The following ERN2 variants were observed in gnomAD, a reference collection of about 807,000 sequenced individuals.
ERN2 encodes endoplasmic reticulum to nucleus signaling 2, also known as serine/threonine-protein kinase/endoribonuclease IRE2.
Under a neutral mutation model 107.9 loss-of-function variants are expected in ERN2, and 111 were observed. The observed-to-expected ratio is 1.03, with a 90% CI of 0.88 to 1.20. The LOEUF (loss-of-function observed/expected upper bound fraction) is 1.20, where lower values mean the gene tolerates loss of function less well. Ranked by LOEUF, ERN2 falls within the 50% of genes most tolerant of loss-of-function variation. ERN2 has a pLI of 0.00. For synonymous variants in ERN2, 524 were observed against 501.7 expected (o/e 1.04, Z -0.59); for missense variants, 1,225 against 1,197.9 (o/e 1.02, Z -0.33).
At chr16:23,694,994 C>A (rs763532807) in intron 16 of ERN2, 25 bp downstream of exon 16, 2 of 1,612,394 alleles carry the variant, frequency 1.2e-6, no homozygotes, top group Non-Finnish European at 1.7e-6. Context: ...GGACAGGGAG[C>A]GGGAGGCAGG....
intron 17 of ERN2, among the ~76,000 whole-genome samples, chr16:23,692,935 T>C (rs980660469): frequency 1.3e-5 from 2 of 151,742 alleles, no homozygotes; most frequent in Admixed American, 1.3e-4. Context: ...CCCAGCCCGA[T>C]CTTGAACTTT....
rs1959997964 is a variant in ERN2 at position 23,700,427 on chromosome 16, T to C, written c.1525+112A>G. 5 of 1,045,258 alleles carry C rather than the reference T, an allele frequency of 4.8e-6. No individual in the cohort carries two copies. The African/African-American group carries it at 4.8e-5, about 10-fold the overall frequency. 64.7% of individuals were successfully genotyped at this position (1,045,258 alleles called of 1,614,324 possible). On this transcript the variant is annotated intron_variant, in intron 13 of 21. Transcript: ENST00000256797. ...TACTCAAAACACTCTTCTTAATTCATGTAGACCTAACCACCCCACTATAGT... is the reference window on the plus strand; with the variant it reads ...TACTCAAAACACTCTTCTTAATTCACGTAGACCTAACCACCCCACTATAGT...
chr16:23,691,498 A>C, intron 19 of ERN2, 73 bp from the exon 20 acceptor site: 1 of 1,539,738 alleles, frequency 6.5e-7, no homozygotes, highest in South Asian at 1.2e-5. Flanking sequence ...GTTGTCTTAC[A>C]GGAGTAGTTT....
In ERN2 at chr16:23,690,912, G is replaced by C. The variant is rs56157518; in HGVS notation, c.2700C>G (p.Cys900Trp). The change falls in exon 22 of 22, where the codon TGC becomes TGG. Residue 900 changes from cysteine (C) to tryptophan (W), a missense_variant. Transcript: ENST00000256797. Reference sequence around the variant, plus strand: ...AGGGCAGGAAGAGGCTCTCAGAGGCGCAGCTCCTCATGGCTCGGTGCGTGT... The same window carrying C: ...AGGGCAGGAAGAGGCTCTCAGAGGCCCAGCTCCTCATGGCTCGGTGCGTGT... ...LLHTHRAMRS[C>W]ASESLFLPYY... The C allele has an allele frequency of 3.1e-6, 5 of 1,614,110 alleles. No individual in the cohort carries two copies. The highest frequency in any genetic ancestry group is 4.2e-6 in the Non-Finnish European group (5 of 1,180,032).
chr16:23,708,044 C>G (rs538950680), intron 4 of ERN2, among the ~76,000 whole-genome samples: 1 of 152,310 alleles, frequency 6.6e-6, no homozygotes, highest in Admixed American at 6.5e-5. Flanking sequence ...GCCCTGCTGT[C>G]CTTGTCACAA....
intron 19 of ERN2, 75 bp from the exon 20 acceptor site, chr16:23,691,500 G>T: frequency 6.5e-7 from 1 of 1,528,400 alleles, no homozygotes; most frequent in Non-Finnish European, 8.8e-7. Flanking sequence ...TGTCTTACAG[G>T]AGTAGTTTAG....
chr16:23,691,892 TATC>T, intron 19 of ERN2, 68 bp downstream of exon 19: 2 of 1,551,088 alleles, frequency 1.3e-6, no homozygotes, highest in South Asian at 2.4e-5. Context: ...GCTAATCTAA[TATC>T]CCATTTCTTA....
intron 14 of ERN2, 115 bp from the exon 15 acceptor site, chr16:23,695,504 T>A: frequency 2.2e-6 from 2 of 926,640 alleles, no homozygotes; most frequent in Non-Finnish European, 3.2e-6. Context: ...GGCGGGCGGG[T>A]CACTTGAGGT....
rs1317253993 is a variant in ERN2 at position 23,704,923 on chromosome 16, C to A, written c.814G>T (p.Asp272Tyr). The stretch of plus-strand genomic sequence containing the variant: ...AAGGTAGAGAAGAGGGTGGCTGTGT[C>A]CCGGGGGCCTGAGGCAGGCAGTCGG... The part of the protein sequence containing the change: ...HIRLPASGPR[D>Y]TATLFSTLDT... The change falls in exon 8 of 22, where the codon GAC (aspartate) becomes TAC (tyrosine). Residue 272 changes from aspartate to tyrosine, a missense_variant. By Grantham distance (160) the Asp-to-Tyr change is radical. Coordinates refer to ENST00000256797, the MANE Select transcript of ERN2 (RefSeq NM_033266.4). 3 of 1,613,134 alleles carry A rather than the reference C, an allele frequency of 1.9e-6. No individual in the cohort carries two copies. The highest frequency in any genetic ancestry group is 1.7e-6 in the Non-Finnish European group (2 of 1,180,026).
Position 23,707,020 on chromosome 16 carries a change from C to T in ERN2, c.366G>A (p.Gly122=). The part of the protein sequence containing the change: ...VHASPCRSSD[G]VFYTGRKQDA... ...AGAGATGCTCACCTGTGTAGAAGACCCCATCAGAGCTGCGGCAGGGAGAGG... is the reference window on the plus strand; with the variant it reads ...AGAGATGCTCACCTGTGTAGAAGACTCCATCAGAGCTGCGGCAGGGAGAGG... Residue 122 remains glycine, a synonymous_variant, in exon 5 of 22, where the codon GGG becomes GGA. Transcript: ENST00000256797. 1 of 1,613,974 alleles carries T rather than the reference C, an allele frequency of 6.2e-7. No individual in the cohort carries two copies. Among genetic ancestry groups the T allele is most frequent in the Non-Finnish European group, 8.5e-7 (1 of 1,179,874 alleles).
chr16:23,692,839 C>T (rs1369847919), intron 17 of ERN2, among the ~76,000 whole-genome samples: 3 of 152,002 alleles, frequency 2.0e-5, no homozygotes, highest in African/African-American at 4.8e-5. Context: ...CAATCTACCT[C>T]GGCCTGAGTA....
chr16:23,710,714 C>T (rs533170002), intron 2 of ERN2, among the ~76,000 whole-genome samples, 165 bp from the exon 3 acceptor site: 2 of 152,312 alleles, frequency 1.3e-5, no homozygotes, highest in South Asian at 4.1e-4. Flanking sequence ...TCCTTTGCCC[C>T]ATTTTATAGA....
chr16:23,694,608 A>G (rs930416067), intron 17 of ERN2, 120 bp downstream of exon 17: 2 of 804,862 alleles, frequency 2.5e-6, no homozygotes, highest in Non-Finnish European at 3.8e-6. Flanking sequence ...AGCTTGGAGG[A>G]GCAGCTCAAA....
At chr16:23,706,959 T>C in intron 5 of ERN2, 48 bp downstream of exon 5, 1 of 1,590,238 alleles carries the variant, frequency 6.3e-7, no homozygotes. Flanking sequence ...CTTAGATCCC[T>C]GCCTCTGCTG....
intron 5 of ERN2, 64 bp from the exon 6 acceptor site, chr16:23,706,925 C>G: frequency 6.4e-7 from 1 of 1,574,314 alleles, no homozygotes; most frequent in Non-Finnish European, 8.7e-7. Context: ...CCCCGCCACT[C>G]TTGTGCCTAA....
intron 5 of ERN2, 29 bp downstream of exon 5, chr16:23,706,978 T>G (rs750127026): frequency 4.4e-6 from 7 of 1,608,406 alleles, no homozygotes; most frequent in Non-Finnish European, 6.0e-6. Flanking sequence ...TGGCTGAACC[T>G]GGACCCCACA....
In ERN2 at chr16:23,692,286, C is replaced by G. The variant is rs368927601; in HGVS notation, c.2146G>C (p.Val716Leu). The G allele has an allele frequency of 1.9e-6, 3 of 1,614,080 alleles. No homozygotes were observed. Among genetic ancestry groups the G allele is most frequent in the Non-Finnish European group, 2.5e-6 (3 of 1,180,046 alleles). The change falls in exon 18 of 22, where the codon GTG (valine) becomes CTG (leucine). Residue 716 changes from valine to leucine, a missense_variant. Transcript: ENST00000256797. ...IFSAGCVFYY[V>L]LSGGSHPFGD... ...AAGGGGTGGCTGCCACCAGAAAGCACGTAGTAGAACACGCAGCCTGCAGAG... is the reference window on the plus strand; with the variant it reads ...AAGGGGTGGCTGCCACCAGAAAGCAGGTAGTAGAACACGCAGCCTGCAGAG...
rs1457119904 is a variant in ERN2 at position 23,702,483 on chromosome 16, G to A, written c.988C>T (p.Leu330Phe). ...ADGPTTDEVT[L>F]QVSGEREGSP... ...CCCTCTCGCTCTCCTGAGACTTGGA[G>A]TGTCACCTCATCTGTGGTGGGGCCA... is the stretch of plus-strand genomic sequence containing the variant. Residue 330 changes from leucine (L) to phenylalanine (F), a missense_variant, in exon 10 of 22, where the codon CTC becomes TTC. By Grantham distance (22) the Leu-to-Phe change is conservative. Coordinates refer to ENST00000256797, the MANE Select transcript of ERN2 (RefSeq NM_033266.4). 6.2e-7 allele frequency: 1 copy of A among 1,613,704 alleles called. No homozygotes were observed. Among genetic ancestry groups the A allele is most frequent in the Non-Finnish European group, 8.5e-7 (1 of 1,180,032 alleles).
chr16:23,700,617 G>C lies in ERN2; in HGVS notation c.1447C>G (p.His483Asp), dbSNP rs1192725550. The change falls in exon 13 of 22, where the codon CAC (histidine) becomes GAC (aspartate). Residue 483 changes from histidine (H) to aspartate (D), a missense_variant. By Grantham distance (81) the His-to-Asp change is moderately conservative. Coordinates refer to ENST00000256797, the MANE Select transcript of ERN2 (RefSeq NM_033266.4). ...AHISQDAQSLHSGASRRSQKR... is the reference protein window; with the variant it reads ...AHISQDAQSLDSGASRRSQKR... ...TGGCTCCTCCGGCTGGCCCCCGAGTGCAGGGACTGGGCATCCTGGGAGATG... is the reference window on the plus strand; with the variant it reads ...TGGCTCCTCCGGCTGGCCCCCGAGTCCAGGGACTGGGCATCCTGGGAGATG... 5 of 1,614,056 alleles carry C rather than the reference G, an allele frequency of 3.1e-6. No individual in the cohort carries two copies. Among genetic ancestry groups the C allele is most frequent in the Admixed American group, 1.7e-5 (1 of 60,014 alleles).
Sources: gnomAD v4.1 joint callset for allele counts (sites outside exome capture counted in the v4.1 genomes callset) on GRCh38, gnomAD v4.1.1 for gene constraint, MANE v1.5 for transcripts, NCBI Gene and HGNC (gene_info 2026-07-23, HGNC 2026-07-21) for gene names.